Variants in DDX24 observed in about 807,000 individuals in gnomAD.
The protein encoded by DDX24 is DEAD-box helicase 24.
Under a neutral mutation model 68.9 loss-of-function variants are expected in DDX24, and 24 were observed. The ratio of observed to expected loss-of-function variants is 0.35; its 90% confidence interval spans 0.25 to 0.49. DDX24 has a LOEUF of 0.49. Among genes scored for constraint, DDX24 ranks in the 20% least tolerant of loss-of-function variants. The pLI is 0.99. For missense variants in DDX24, 989 were observed against 1,039.0 expected, an observed-to-expected ratio of 0.95 and a Z score of 0.66; for synonymous variants, 395 against 385.2, an observed-to-expected ratio of 1.03 and a Z score of -0.30.
intron 2 of DDX24, among the ~76,000 whole-genome samples, chr14:94,063,651 A>G (rs1209540863): frequency 6.6e-6 from 1 of 152,266 alleles, no homozygotes; most frequent in Non-Finnish European, 1.5e-5. Flanking sequence ...TTTTATGGCC[A>G]GGCATGGTGG....
chr14:94,065,001 G>C (rs868446797), intron 2 of DDX24, among the ~76,000 whole-genome samples: 2 of 152,074 alleles, frequency 1.3e-5, no homozygotes, highest in Admixed American at 6.6e-5. Flanking sequence ...CTGGTTGTGA[G>C]TGTGGGAAAA....
At chr14:94,070,020 A>C (rs761034888) in intron 2 of DDX24, among the ~76,000 whole-genome samples, 5 of 152,170 alleles carry the variant, frequency 3.3e-5, no homozygotes, top group Non-Finnish European at 7.3e-5. Flanking sequence ...CAGAGCAATA[A>C]GACAAGAGAA....
intron 5 of DDX24, 21 bp downstream of exon 5, chr14:94,060,077 C>G: frequency 1.3e-6 from 2 of 1,594,810 alleles, no homozygotes; most frequent in Non-Finnish European, 1.7e-6. Context: ...GGTTAAGCCT[C>G]TGGGGACAGT....
In DDX24 at chr14:94,050,330, C is replaced by T. The variant is rs1185403968; in HGVS notation, c.*861G>A. The T allele has an allele frequency of 6.6e-6, 1 of 152,222 alleles. No homozygotes were observed. The highest frequency in any genetic ancestry group is 6.5e-5 in the Admixed American group (1 of 15,282). 9.4% of individuals were successfully genotyped at this position (152,222 alleles called of 1,614,324 possible). A position where few individuals can be genotyped will look rare whatever the true frequency, so the allele number is the denominator to read the frequency against. Reference sequence around the variant, plus strand: ...GGTAAGCACGGGACACTAAGGGAGCCCCAGGAGAAGCACTGCTTCCCCTTA... The same window carrying T: ...GGTAAGCACGGGACACTAAGGGAGCTCCAGGAGAAGCACTGCTTCCCCTTA... On this transcript the variant is annotated 3_prime_UTR_variant, in exon 9 of 9. Coordinates refer to ENST00000621632, the MANE Select transcript of DDX24 (RefSeq NM_020414.4).
intron 2 of DDX24, among the ~76,000 whole-genome samples, chr14:94,072,385 T>C (rs1225399797): frequency 1.3e-5 from 2 of 152,226 alleles, no homozygotes; most frequent in Non-Finnish European, 2.9e-5. Context: ...ATCACTGATA[T>C]GCAGGACTAA....
intron 2 of DDX24, among the ~76,000 whole-genome samples, chr14:94,065,384 G>GACACACACACACACACACACACAC (rs58390384): frequency 0.03 from 4,372 of 147,190 alleles, 128 homozygotes; most frequent in Admixed American, 0.081. Context: ...CTCTCTCTCT[G>GACACACACACACACACACACACAC]ACACACACAC....
At chr14:94,080,525 A>G (rs972032115) in intron 1 of DDX24, among the ~76,000 whole-genome samples, 1 of 152,108 alleles carries the variant, frequency 6.6e-6, no homozygotes, top group African/African-American at 2.4e-5. Context: ...TTAATCTCTG[A>G]GTCTCTTATT....
At chr14:94,068,919 C>T (rs951823639) in intron 2 of DDX24, among the ~76,000 whole-genome samples, 9 of 151,570 alleles carry the variant, frequency 5.9e-5, no homozygotes, top group African/African-American at 2.2e-4. Flanking sequence ...TCTGAAAGAG[C>T]ACAAACAGAC....
intron 2 of DDX24, among the ~76,000 whole-genome samples, chr14:94,071,296 C>G (rs750218495): frequency 6.6e-5 from 10 of 152,122 alleles, no homozygotes; most frequent in Non-Finnish European, 1.3e-4. Flanking sequence ...AAAGCAAAAC[C>G]ACAATGTGAT....
At chr14:94,078,284 A>G (rs926247580) in intron 2 of DDX24, among the ~76,000 whole-genome samples, 1 of 152,214 alleles carries the variant, frequency 6.6e-6, no homozygotes, top group Non-Finnish European at 1.5e-5. Context: ...TCCTCCATGG[A>G]TATCAAGAGA....
intron 8 of DDX24, 59 bp downstream of exon 8, chr14:94,052,939 A>C: frequency 6.4e-7 from 1 of 1,565,098 alleles, no homozygotes; most frequent in Non-Finnish European, 8.7e-7. Flanking sequence ...GGTTCCAACA[A>C]AGCAAAAGTT....
intron 2 of DDX24, among the ~76,000 whole-genome samples, chr14:94,068,853 C>G (rs546563884): frequency 6.6e-6 from 1 of 152,234 alleles, no homozygotes; most frequent in East Asian, 1.9e-4. Flanking sequence ...CTCTAGGATA[C>G]AGCAAAGGCA....
rs749145276 is a variant in DDX24 at position 94,048,889 on chromosome 14, G to GT, written c.*2301dup. ...CCAAGCCCTACAGCTTCCCTAGGCA[G>GT]TAAGTAAAAACATTCTCCTAGCATT... On this transcript the variant is annotated 3_prime_UTR_variant, in exon 9 of 9. Coordinates refer to ENST00000621632, the MANE Select transcript of DDX24 (RefSeq NM_020414.4). The GT allele has an allele frequency of 3.3e-5, 5 of 152,278 alleles. No individual in the cohort carries two copies. Among genetic ancestry groups the GT allele is most frequent in the Non-Finnish European group, 7.3e-5 (5 of 68,052 alleles). The allele number at this position is 152,278 out of a possible 1,614,324, so 9.4% of individuals were successfully genotyped here.
At chr14:94,061,188 T>A in intron 3 of DDX24, 122 bp from the exon 4 acceptor site, 2 of 1,153,196 alleles carry the variant, frequency 1.7e-6, no homozygotes, top group Non-Finnish European at 2.5e-6. Flanking sequence ...CCCTAGAGCA[T>A]TGCTAAAAGA....
chr14:94,071,687 T>A (rs1885834001), intron 2 of DDX24, among the ~76,000 whole-genome samples: 2 of 151,378 alleles, frequency 1.3e-5, no homozygotes, highest in African/African-American at 2.4e-5. Context: ...GGCTCACACC[T>A]GTAATCCCAG....
Position 94,079,296 on chromosome 14 carries a change from T to C in DDX24, c.447A>G (p.Gln149=). ...AGEMTSENLV[Q]TAPKKKKNKG... The stretch of plus-strand genomic sequence containing the variant: ...TATTTTTCTTCTTTTTTGGAGCAGT[T>C]TGGACCAGGTTTTCTGATGTCATCT... The change falls in exon 2 of 9, where the codon CAA becomes CAG. Residue 149 remains glutamine (Q), a synonymous_variant. Transcript: ENST00000621632. 1 of 1,614,184 alleles carries C rather than the reference T, an allele frequency of 6.2e-7. No individual in the cohort carries two copies. The highest frequency in any genetic ancestry group is 1.1e-5 in the South Asian group (1 of 91,082).
rs199579251 is a variant in DDX24, at chr14:94,079,373, C to T, written c.370G>A (p.Glu124Lys). The T allele has an allele frequency of 9.3e-6, 15 of 1,613,952 alleles. No individual in the cohort carries two copies. In the South Asian group the frequency reaches 1.5e-4, roughly 17 times the overall value. ...TQKEFEVKDP[E>K]LEAQGDDMVC... ...ATGTCATCTCCCTGGGCCTCCAGCT[C>T]AGGATCTTTCACTTCAAATTCTTTC... The change falls in exon 2 of 9, where the codon GAG becomes AAG. Residue 124 changes from glutamate to lysine, a missense_variant. This residue lies in a region of DDX24 where 295 missense variants were observed against 263.0 expected (regional missense o/e 1.12). Coordinates refer to ENST00000621632, the MANE Select transcript of DDX24 (RefSeq NM_020414.4).
intron 2 of DDX24, among the ~76,000 whole-genome samples, chr14:94,071,984 G>GA (rs905546739): frequency 6.6e-6 from 1 of 152,130 alleles, no homozygotes; most frequent in African/African-American, 2.4e-5. Context: ...GGTGAACAAG[G>GA]AACACTTCTA....
intron 2 of DDX24, among the ~76,000 whole-genome samples, chr14:94,065,830 C>T (rs1885693842): frequency 6.6e-6 from 1 of 152,178 alleles, no homozygotes; most frequent in South Asian, 2.1e-4. Context: ...GTAGAAGAAG[C>T]AGCAGAAAGG....
Sources: allele counts gnomAD v4.1 joint callset (sites outside exome capture counted in the v4.1 genomes callset), GRCh38; gene constraint gnomAD v4.1.1; regional missense constraint gnomAD v4.1.1; transcripts MANE v1.5; gene names NCBI Gene and HGNC (gene_info 2026-07-23, HGNC 2026-07-21).